Variants in CEP83 observed in about 807,000 individuals in gnomAD.
The protein encoded by CEP83 is centrosomal protein of 83 kDa.
Under a neutral mutation model 101.9 loss-of-function variants are expected in CEP83, and 70 were observed. That is an observed-to-expected ratio of 0.69 (90% CI 0.57 to 0.84). The LOEUF (loss-of-function observed/expected upper bound fraction) is 0.84, where lower values mean the gene tolerates loss of function less well. Ranked by LOEUF, CEP83 falls within the 40% of genes least tolerant of loss-of-function variation. The probability of loss-of-function intolerance (pLI) is 0.00; values close to 1 mark genes in which losing one functional copy is unlikely to be tolerated. For missense variants in CEP83, 715 were observed against 787.2 expected, an observed-to-expected ratio of 0.91 and a Z score of 1.10; for synonymous variants, 264 against 267.9, an observed-to-expected ratio of 0.99 and a Z score of 0.14.
chr12:94,423,871 G>A (rs991359166), intron 2 of CEP83: 2 of 1,612,258 alleles, frequency 1.2e-6, no homozygotes, highest in African/African-American at 1.3e-5. Flanking sequence ...ACTGGGAGAT[G>A]TAAGCTCCTT....
At chr12:94,279,881 T>C in the CEP83 span, 9 of 674,670 alleles carry the variant, frequency 1.3e-5, no homozygotes, top group South Asian at 1.4e-4. Flanking sequence ...TTTGTTGTTG[T>C]TGTCTTTAAA....
chr12:94,312,161 G>A (rs139331205), intron 15 of CEP83, among the ~76,000 whole-genome samples: 18 of 152,102 alleles, frequency 1.2e-4, no homozygotes, highest in East Asian at 9.7e-4. Context: ...AACTAAAGGC[G>A]GCCTCCTACT....
downstream of CEP83, among the ~76,000 whole-genome samples, chr12:94,302,753 CTG>C (rs1968592878): frequency 6.6e-6 from 1 of 152,162 alleles, no homozygotes; most frequent in Non-Finnish European, 1.5e-5. Flanking sequence ...CTGTCAACTA[CTG>C]CTGCTAATTA....
intron 11 of CEP83, among the ~76,000 whole-genome samples, chr12:94,361,913 C>G (rs992629516): frequency 6.6e-6 from 1 of 152,120 alleles, no homozygotes; most frequent in African/African-American, 2.4e-5. Flanking sequence ...GTTGGTCAGG[C>G]TGGTCTTGTA....
At chr12:94,333,691 A>C (rs1565928818) in intron 12 of CEP83, 52 bp from the exon 13 acceptor site, 1 of 1,561,728 alleles carries the variant, frequency 6.4e-7, no homozygotes, top group Admixed American at 1.8e-5. Flanking sequence ...AAATGCGGTA[A>C]GGTATGAGAG....
chr12:94,312,208 C>T (rs1452217028), intron 15 of CEP83, among the ~76,000 whole-genome samples: 1 of 152,198 alleles, frequency 6.6e-6, no homozygotes, highest in Admixed American at 6.5e-5. Context: ...ACTAATTCTA[C>T]AGTCTAGAAA....
At position 94,412,313 on chromosome 12, in the gene CEP83, T is replaced by G; in HGVS notation, c.173+5A>C. On this transcript the variant is annotated splice_donor_5th_base_variant and intron_variant, in intron 3 of 16. Coordinates refer to ENST00000397809, the MANE Select transcript of CEP83 (RefSeq NM_016122.3). ...AAACCCCACTTCTAGATTTAAGTAA[T>G]TTACCTTGTGTGTTCAGCCTTCAGT... 6.3e-7 allele frequency: 1 copy of G among 1,586,428 alleles called. No homozygotes were observed. Among genetic ancestry groups the G allele is most frequent in the Non-Finnish European group, 8.5e-7 (1 of 1,169,600 alleles).
chr12:94,377,497 C>T (rs2061612369), intron 7 of CEP83, among the ~76,000 whole-genome samples: 1 of 152,032 alleles, frequency 6.6e-6, no homozygotes. Context: ...GTGGTAAGGA[C>T]TATATTCGAC....
intron 8 of CEP83, among the ~76,000 whole-genome samples, chr12:94,371,431 T>C (rs978817010): frequency 3.3e-5 from 5 of 152,206 alleles, no homozygotes; most frequent in African/African-American, 1.2e-4. Flanking sequence ...GTATAAATCA[T>C]ATAAATTCAT....
intron 1 of CEP83, among the ~76,000 whole-genome samples, chr12:94,441,914 C>CAA (rs370968833): frequency 0.015 from 866 of 58,144 alleles, 21 homozygotes; most frequent in Middle Eastern, 0.048. Flanking sequence ...GACTCCGTCT[C>CAA]AAAAAAAAAA....
chr12:94,378,859 C>T lies in CEP83; in HGVS notation c.733G>A (p.Val245Met), dbSNP rs757966735. 6.2e-7 allele frequency: 1 copy of T among 1,614,082 alleles called. No homozygotes were observed. The highest frequency in any genetic ancestry group is 8.5e-7 in the Non-Finnish European group (1 of 1,179,988). The change falls in exon 7 of 17, where the codon GTG becomes ATG. Residue 245 changes from valine (V) to methionine (M), a missense_variant. Coordinates refer to ENST00000397809, the MANE Select transcript of CEP83 (RefSeq NM_016122.3). ...KAEKENSEAQ[V>M]ENAQRIQVRQ... ...ACCTGTATTCTTTGGGCATTTTCCA[C>T]CTGAGCCTCAGAATTCTCCTTTTCA...
chr12:94,454,489 C>T (rs576879547), intron 1 of CEP83, among the ~76,000 whole-genome samples: 20 of 152,218 alleles, frequency 1.3e-4, no homozygotes, highest in African/African-American at 4.1e-4. Flanking sequence ...TCTGTAAAAA[C>T]GGACCAATCA....
At chr12:94,455,771 G>A (rs951902775) in intron 1 of CEP83, among the ~76,000 whole-genome samples, 17 of 152,242 alleles carry the variant, frequency 1.1e-4, no homozygotes, top group Non-Finnish European at 2.5e-4. Flanking sequence ...TAGGCCGGGC[G>A]CATTGGCTCA....
intron 4 of CEP83, among the ~76,000 whole-genome samples, chr12:94,405,788 TGAG>T (rs1336453052): frequency 1.3e-5 from 2 of 152,084 alleles, no homozygotes; most frequent in African/African-American, 2.4e-5. Context: ...CTCCCTGAGT[TGAG>T]GAGATGAAAC....
intron 1 of CEP83, among the ~76,000 whole-genome samples, chr12:94,451,434 CATAT>C (rs1694536691): frequency 7.3e-6 from 1 of 136,116 alleles, no homozygotes; most frequent in African/African-American, 2.8e-5. Context: ...TTTCATCCAG[CATAT>C]ATAAAGAACT....
intron 3 of CEP83, 86 bp from the exon 4 acceptor site, chr12:94,411,933 G>A (rs1028495755): frequency 9.8e-5 from 101 of 1,027,808 alleles, no homozygotes; most frequent in Non-Finnish European, 1.4e-4. Context: ...CAACACCACA[G>A]AAAAACAAGA....
chr12:94,406,376 A>C (rs188287911), intron 4 of CEP83, among the ~76,000 whole-genome samples: 44 of 151,572 alleles, frequency 2.9e-4, no homozygotes, highest in Admixed American at 9.2e-4. Context: ...ACAACAACAA[A>C]AATCCAGCAT....
chr12:94,431,903 T>C (rs957300435), intron 2 of CEP83, among the ~76,000 whole-genome samples: 2 of 152,128 alleles, frequency 1.3e-5, no homozygotes, highest in African/African-American at 4.8e-5. Flanking sequence ...AAAATAGAAC[T>C]AGTATACAAT....
At chr12:94,392,636 G>C (rs1302099399) in intron 6 of CEP83, among the ~76,000 whole-genome samples, 2 of 152,156 alleles carry the variant, frequency 1.3e-5, no homozygotes, top group Non-Finnish European at 2.9e-5. Flanking sequence ...AAATAACTAA[G>C]ATCAGAGCAG....
Sources: gnomAD v4.1 joint callset for allele counts (sites outside exome capture counted in the v4.1 genomes callset) on GRCh38, gnomAD v4.1.1 for gene constraint, MANE v1.5 for transcripts, NCBI Gene and HGNC (gene_info 2026-07-23, HGNC 2026-07-21) for gene names.